PPFIA2: variants seen among roughly 807,000 people sequenced by gnomAD.
PPFIA2 encodes the protein PPFI scaffold protein A2, also known as liprin-alpha-2.
A neutral mutation model predicts 175.5 loss-of-function variants in PPFIA2; 46 were observed. The observed-to-expected ratio is 0.26, with a 90% CI of 0.21 to 0.34. The LOEUF is 0.34. Ranked by LOEUF, PPFIA2 falls within the 10% of genes least tolerant of loss-of-function variation. PPFIA2 has a pLI of 1.00. For synonymous variants in PPFIA2, 568 were observed against 511.4 expected (o/e 1.11, Z -1.49); for missense variants, 1,179 against 1,506.1 (o/e 0.78, Z 3.60).
chr12:81,531,677 C>A (rs1479972435), intron 4 of PPFIA2, among the ~76,000 whole-genome samples: 1 of 150,608 alleles, frequency 6.6e-6, no homozygotes, highest in East Asian at 2.0e-4. Context: ...GTCTACTGTA[C>A]CAGGAACATT....
intron 22 of PPFIA2, among the ~76,000 whole-genome samples, chr12:81,318,078 C>T (rs1408662031): frequency 2.0e-5 from 3 of 151,612 alleles, no homozygotes; most frequent in Non-Finnish European, 3.0e-5. Context: ...GGCCTAAGGT[C>T]TTATCACAAG....
At chr12:81,559,482 G>A (rs1452584122) in intron 4 of PPFIA2, among the ~76,000 whole-genome samples, 1 of 152,116 alleles carries the variant, frequency 6.6e-6, no homozygotes, top group African/African-American at 2.4e-5. Context: ...TTATTCCAAA[G>A]CTAAGTTAAT....
intron 3 of PPFIA2, among the ~76,000 whole-genome samples, chr12:81,677,440 ATTCATT>A (rs987046760): frequency 9.3e-4 from 141 of 152,056 alleles, no homozygotes; most frequent in East Asian, 7.8e-4. Flanking sequence ...ATTATATCTT[ATTCATT>A]TTATCTAACT....
At chr12:81,633,632 T>C (rs570264957) in intron 4 of PPFIA2, among the ~76,000 whole-genome samples, 5 of 151,840 alleles carry the variant, frequency 3.3e-5, no homozygotes, top group South Asian at 2.1e-4. Context: ...AAGTTAGATA[T>C]AGGAATAGAA....
chr12:81,398,189 C>A (rs1044423877), intron 8 of PPFIA2, among the ~76,000 whole-genome samples: 1 of 151,864 alleles, frequency 6.6e-6, no homozygotes, highest in Admixed American at 6.6e-5. Flanking sequence ...CTTTGGGGAC[C>A]ATTGGAGTAG....
intron 22 of PPFIA2, among the ~76,000 whole-genome samples, chr12:81,319,226 C>T (rs1437644550): frequency 6.6e-6 from 1 of 151,678 alleles, no homozygotes; most frequent in South Asian, 2.1e-4. Flanking sequence ...TGTTTTCCTT[C>T]CTCTAAATAG....
chr12:81,317,479 C>A (rs150653644), intron 22 of PPFIA2, among the ~76,000 whole-genome samples: 5 of 148,328 alleles, frequency 3.4e-5, no homozygotes, highest in African/African-American at 1.2e-4. Flanking sequence ...ATGGCTTGAG[C>A]TGGAAAGAAG....
chr12:81,292,605 TA>T (rs1247830011), intron 24 of PPFIA2: 2 of 152,174 alleles, frequency 1.3e-5, no homozygotes, highest in Non-Finnish European at 2.9e-5. Context: ...GAATGGAGCA[TA>T]TATGTGTACA....
At chr12:81,577,671 C>T (rs2073791078) in intron 4 of PPFIA2, among the ~76,000 whole-genome samples, 1 of 151,720 alleles carries the variant, frequency 6.6e-6, no homozygotes, top group Non-Finnish European at 1.5e-5. Context: ...AAGTGAGGTG[C>T]AAAGATAAAT....
intron 24 of PPFIA2, among the ~76,000 whole-genome samples, chr12:81,288,754 C>T (rs2044114475): frequency 6.6e-6 from 1 of 151,682 alleles, no homozygotes; most frequent in Non-Finnish European, 1.5e-5. Context: ...CCTGGATCCA[C>T]ATTTCTCCCT....
intron 4 of PPFIA2, among the ~76,000 whole-genome samples, chr12:81,619,621 G>A (rs2061801298): frequency 6.6e-6 from 1 of 152,022 alleles, no homozygotes; most frequent in Admixed American, 6.6e-5. Flanking sequence ...ACATTTTTCT[G>A]GAACAATAAA....
chr12:81,347,451 A>G (rs1441793937), intron 18 of PPFIA2, 82 bp downstream of exon 18: 1 of 1,172,722 alleles, frequency 8.5e-7, no homozygotes, highest in African/African-American at 1.5e-5. Context: ...TACTTAGACT[A>G]GAACAAACAC....
At chr12:81,514,256 C>T (rs112934878) in intron 4 of PPFIA2, among the ~76,000 whole-genome samples, 2,330 of 152,020 alleles carry the variant, frequency 0.015, 31 homozygotes, top group South Asian at 0.029. Flanking sequence ...TAACCTTACC[C>T]ACATGTGAAC....
chr12:81,267,727 G>GTTT (rs1565809283), intron 29 of PPFIA2, among the ~76,000 whole-genome samples, 185 bp downstream of exon 29: 2 of 136,936 alleles, frequency 1.5e-5, no homozygotes, highest in African/African-American at 2.9e-5. Context: ...TTAATTGTAT[G>GTTT]ATTTTTTTTT....
chr12:81,676,238 A>T (rs968932583), intron 4 of PPFIA2, among the ~76,000 whole-genome samples: 1 of 152,012 alleles, frequency 6.6e-6, no homozygotes, highest in Non-Finnish European at 1.5e-5. Context: ...TGTCATCTCT[A>T]TCAGTGTTTT....
intron 3 of PPFIA2, among the ~76,000 whole-genome samples, chr12:81,723,645 C>T (rs1324655125): frequency 1.3e-5 from 2 of 150,994 alleles, no homozygotes; most frequent in Non-Finnish European, 3.0e-5. Context: ...CTTTATAGAA[C>T]ACAATTATCT....
chr12:81,505,982 A>C (rs2061125114), intron 4 of PPFIA2: 1 of 152,216 alleles, frequency 6.6e-6, no homozygotes, highest in South Asian at 2.1e-4. Flanking sequence ...CCAAAAGAAG[A>C]CCAGAGCAGG....
Position 81,552,069 on chromosome 12 carries a change from ATAAT to A in PPFIA2, c.304-94207_304-94204del, listed in dbSNP as rs1279903563. ...TACACAATTTTAATAGATAAAATTA[ATAAT>A]TAATTTAAAAACAATGTTTATATAA... On this transcript the variant is annotated intron_variant, in intron 4 of 32. Coordinates refer to ENST00000549396, the MANE Select transcript of PPFIA2 (RefSeq NM_003625.5). 2.0e-5 allele frequency among the ~76,000 whole-genome samples: 3 copies of A among 151,678 alleles called. No individual in the cohort carries two copies. In the East Asian group the frequency reaches 5.8e-4, roughly 29 times the overall value.
intron 3 of PPFIA2, among the ~76,000 whole-genome samples, chr12:81,732,814 A>C (rs1370728878): frequency 2.6e-5 from 4 of 151,506 alleles, no homozygotes; most frequent in Admixed American, 6.6e-5. Flanking sequence ...CATCGACCTA[A>C]ATTGAACTTT....
Sources: gnomAD v4.1 joint callset for allele counts (sites outside exome capture counted in the v4.1 genomes callset) on GRCh38, gnomAD v4.1.1 for gene constraint, MANE v1.5 for transcripts, NCBI Gene and HGNC (gene_info 2026-07-23, HGNC 2026-07-21) for gene names.